TRIM67: variants seen among roughly 807,000 people sequenced by gnomAD.
The protein encoded by TRIM67 is tripartite motif containing 67, also known as tripartite motif-containing protein 67.
Under a neutral mutation model 71.0 loss-of-function variants are expected in TRIM67, and 39 were observed. The ratio of observed to expected loss-of-function variants is 0.55; its 90% CI spans 0.43 to 0.72. The LOEUF (loss-of-function observed/expected upper bound fraction) is 0.72. Ranked by LOEUF, TRIM67 falls within the 30% of genes least tolerant of loss-of-function variation. The pLI, the probability that TRIM67 is intolerant of heterozygous loss-of-function variation, is 0.00. For synonymous variants in TRIM67, 481 were observed against 473.9 expected, an observed-to-expected ratio of 1.01 and a Z score of -0.19; for missense variants, 973 against 1,079.2, an observed-to-expected ratio of 0.90 and a Z score of 1.38.
intron 1 of TRIM67, among the ~76,000 whole-genome samples, chr1:231,193,021 G>C (rs550870535): frequency 3.3e-5 from 5 of 152,324 alleles, no homozygotes; most frequent in African/African-American, 9.6e-5. Flanking sequence ...CTCCTGGAAG[G>C]CTGGCGCTGG....
intron 1 of TRIM67, among the ~76,000 whole-genome samples, chr1:231,173,924 A>G (rs1431047134): frequency 6.6e-6 from 1 of 152,132 alleles, no homozygotes; most frequent in Non-Finnish European, 1.5e-5. Context: ...TTATGCATTC[A>G]TATCCTGCTG....
chr1:231,217,041 G>A lies in TRIM67; in HGVS notation c.*1601G>A. On this transcript the variant is annotated 3_prime_UTR_variant, in exon 10 of 10. Coordinates refer to ENST00000366653, the MANE Select transcript of TRIM67 (RefSeq NM_001004342.5). The stretch of plus-strand genomic sequence containing the variant: ...TCACCAGCACCAACTGTGCGTCCTT[G>A]GTTCTGCCTTCCTGTTCAGACACCG... 3.0e-6 allele frequency: 3 copies of A among 985,900 alleles called. No homozygotes were observed. Among genetic ancestry groups the A allele is most frequent in the Non-Finnish European group, 3.6e-6 (3 of 829,944 alleles). The allele number at this position is 985,900 out of a possible 1,614,324, so 61.1% of individuals were successfully genotyped here. A position where few individuals can be genotyped will look rare whatever the true frequency, so the allele number is the denominator to read the frequency against.
In TRIM67 at chr1:231,219,347, G is replaced by A; in HGVS notation, c.*3907G>A. On this transcript the variant is annotated 3_prime_UTR_variant, in exon 10 of 10. Transcript: ENST00000366653. Reference sequence around the variant, plus strand: ...AGGTATCTCCTGGGGGCCTCCACAAGTTGAGAACCACCAGGTTATGCCAGT... The same window carrying A: ...AGGTATCTCCTGGGGGCCTCCACAAATTGAGAACCACCAGGTTATGCCAGT... The A allele has an allele frequency of 3.0e-6, 3 of 987,320 alleles. No homozygotes were observed. The highest frequency in any genetic ancestry group is 3.6e-6 in the Non-Finnish European group (3 of 831,266). The allele number at this position is 987,320 out of a possible 1,614,324, so 61.2% of individuals were successfully genotyped here.
chr1:231,175,695 C>T (rs908998670), intron 1 of TRIM67, among the ~76,000 whole-genome samples: 1 of 152,236 alleles, frequency 6.6e-6, no homozygotes, highest in African/African-American at 2.4e-5. Context: ...CAAGGCTGTC[C>T]TCATCCTTAG....
At chr1:231,174,016 A>G (rs1329237026) in intron 1 of TRIM67, among the ~76,000 whole-genome samples, 1 of 151,958 alleles carries the variant, frequency 6.6e-6, no homozygotes, top group Non-Finnish European at 1.5e-5. Context: ...CTCTTCAGAA[A>G]ATTCTCCTTC....
chr1:231,188,724 A>G (rs1056917116), intron 1 of TRIM67, among the ~76,000 whole-genome samples: 2 of 151,940 alleles, frequency 1.3e-5, no homozygotes, highest in Non-Finnish European at 2.9e-5. Context: ...TTAATATGGC[A>G]CCTCCTTGCT....
intron 1 of TRIM67, among the ~76,000 whole-genome samples, chr1:231,178,708 T>C (rs1432815437): frequency 1.3e-5 from 2 of 152,234 alleles, no homozygotes; most frequent in Non-Finnish European, 2.9e-5. Flanking sequence ...CATTGGCTGA[T>C]ATAATGGAAA....
rs1282845314 is a variant in TRIM67, at chr1:231,185,103, G to A, written c.1045-12268G>A. ...GAGCAGGGCACTTCGGTCACCATCT[G>A]CTGGCTCCTAAATCCGAGTTGCTGG... is the stretch of plus-strand genomic sequence containing the variant. On this transcript the variant is annotated intron_variant, in intron 1 of 9. Transcript: ENST00000366653. 2.8e-5 allele frequency: 43 copies of A among 1,532,860 alleles called. No homozygotes were observed. The East Asian group carries it at 8.1e-4, about 29-fold the overall frequency. 95.0% of individuals were successfully genotyped at this position (1,532,860 alleles called of 1,614,324 possible).
intron 9 of TRIM67, 68 bp downstream of exon 9, chr1:231,214,045 G>A (rs1268441223): frequency 6.7e-7 from 1 of 1,482,118 alleles, no homozygotes; most frequent in African/African-American, 1.4e-5. Flanking sequence ...TCTCTGCAGT[G>A]CCCTTGGGCA....
At chr1:231,212,380 C>T (rs1683897931) in intron 8 of TRIM67, among the ~76,000 whole-genome samples, 1 of 152,118 alleles carries the variant, frequency 6.6e-6, no homozygotes, top group Admixed American at 6.5e-5. Flanking sequence ...TAATTGGGCT[C>T]TTTTGAAATG....
At chr1:231,196,050 C>T (rs2102744525) in intron 1 of TRIM67, among the ~76,000 whole-genome samples, 1 of 152,316 alleles carries the variant, frequency 6.6e-6, no homozygotes, top group African/African-American at 2.4e-5. Flanking sequence ...CAGCAAAGCC[C>T]TTGTCCTTCA....
intron 1 of TRIM67, among the ~76,000 whole-genome samples, chr1:231,193,362 G>A (rs967845896): frequency 2.6e-5 from 4 of 152,086 alleles, no homozygotes; most frequent in Non-Finnish European, 5.9e-5. Flanking sequence ...AAATTCATAC[G>A]TTGACGCCTA....
At position 231,208,643 on chromosome 1, in the gene TRIM67, T is replaced by C. The variant is rs117599570; in HGVS notation, c.1820-304T>C. Among the ~76,000 whole-genome samples, 232 of 152,192 alleles carry C rather than the reference T, an allele frequency of 1.5e-3. 2 individuals are homozygous for C. The East Asian group carries it at 0.041, about 27-fold the overall frequency. On this transcript the variant is annotated intron_variant, in intron 7 of 9. Transcript: ENST00000366653. ...CTCCTGTATTTCTAACTGTGAGCAT[T>C]TGGAAGGGTTTTAGAAACCAAGACC...
chr1:231,186,989 A>C (rs1348305356), intron 1 of TRIM67, among the ~76,000 whole-genome samples: 1 of 152,180 alleles, frequency 6.6e-6, no homozygotes, highest in Non-Finnish European at 1.5e-5. Context: ...CGGCTGCCTC[A>C]TCAGCAAGGC....
intron 5 of TRIM67, 79 bp downstream of exon 5, chr1:231,201,596 T>C (rs2102750668): frequency 2.7e-6 from 4 of 1,497,352 alleles, no homozygotes; most frequent in African/African-American, 1.4e-5. Flanking sequence ...CTCGGTGCCA[T>C]AGGGAGACCT....
Position 231,163,302 on chromosome 1 carries a change from C to A in TRIM67, c.333C>A (p.Gly111=). The A allele has an allele frequency of 6.6e-7, 1 of 1,518,742 alleles. No homozygotes were observed. The highest frequency in any genetic ancestry group is 1.2e-5 in the South Asian group (1 of 80,514). The allele number at this position is 1,518,742 out of a possible 1,614,324, so 94.1% of individuals were successfully genotyped here. A position where few individuals can be genotyped will look rare whatever the true frequency, so the allele number is the denominator to read the frequency against. Reference sequence around the variant, plus strand: ...GCTTGTACAGCGAGACAGACAGCGGCTACGGGTCCTACACCCCGAGCCTCA... The same window carrying A: ...GCTTGTACAGCGAGACAGACAGCGGATACGGGTCCTACACCCCGAGCCTCA... ...KLSLYSETDS[G]YGSYTPSLKS... Residue 111 remains glycine, a synonymous_variant, in exon 1 of 10, where the codon GGC becomes GGA. Coordinates refer to ENST00000366653, the MANE Select transcript of TRIM67 (RefSeq NM_001004342.5).
chr1:231,172,183 A>G (rs980106286), intron 1 of TRIM67, among the ~76,000 whole-genome samples: 1 of 152,240 alleles, frequency 6.6e-6, no homozygotes, highest in Non-Finnish European at 1.5e-5. Flanking sequence ...AGAATGCTAT[A>G]TGTATATTTG....
intron 1 of TRIM67, among the ~76,000 whole-genome samples, chr1:231,169,537 C>G (rs1462618197): frequency 2.0e-5 from 3 of 151,780 alleles, no homozygotes; most frequent in Admixed American, 2.0e-4. Context: ...CACCACCACG[C>G]CTGGCCAATT....
At chr1:231,182,785 C>T (rs72750749) in intron 1 of TRIM67, among the ~76,000 whole-genome samples, 1 of 152,322 alleles carries the variant, frequency 6.6e-6, no homozygotes, top group Non-Finnish European at 1.5e-5. Flanking sequence ...GGGTTGGCTC[C>T]TGCACACGTG....
Sources: allele counts gnomAD v4.1 joint callset (sites outside exome capture counted in the v4.1 genomes callset), GRCh38; gene constraint gnomAD v4.1.1; transcripts MANE v1.5; gene names NCBI Gene and HGNC (gene_info 2026-07-23, HGNC 2026-07-21).